The following ADAMTS19 variants were observed in gnomAD, a reference collection of about 807,000 sequenced individuals.
ADAMTS19 encodes the protein A disintegrin and metalloproteinase with thrombospondin motifs 19.
A neutral mutation model predicts 153.3 loss-of-function variants in ADAMTS19; 93 were observed. The ratio of observed to expected loss-of-function variants is 0.61; its 90% CI spans 0.51 to 0.72. The LOEUF is 0.72. Ranked by LOEUF, ADAMTS19 falls within the 30% of genes least tolerant of loss-of-function variation. The pLI, the probability that ADAMTS19 is intolerant of heterozygous loss-of-function variation, is 0.00. For synonymous variants in ADAMTS19, 600 were observed against 556.6 expected, an observed-to-expected ratio of 1.08 and a Z score of -1.10; for missense variants, 1,482 against 1,552.1, an observed-to-expected ratio of 0.95 and a Z score of 0.76.
At chr5:129,681,093 A>C (rs1450363514) in intron 17 of ADAMTS19, among the ~76,000 whole-genome samples, 4 of 152,230 alleles carry the variant, frequency 2.6e-5, no homozygotes, top group Admixed American at 2.6e-4. Context: ...ACATGATTTA[A>C]GATAAATTTG....
At chr5:129,573,612 A>G (rs1251035825) in intron 7 of ADAMTS19, among the ~76,000 whole-genome samples, 1 of 152,120 alleles carries the variant, frequency 6.6e-6, no homozygotes, top group Non-Finnish European at 1.5e-5. Context: ...GGTTCACAAG[A>G]AAAGCAAAGC....
chr5:129,601,298 CTT>C (rs1440379533), intron 8 of ADAMTS19, among the ~76,000 whole-genome samples: 2 of 152,022 alleles, frequency 1.3e-5, no homozygotes, highest in East Asian at 3.9e-4. Context: ...AAGTCTAAAA[CTT>C]TATTTTTGTG....
chr5:129,469,230 A>G (rs1043432385), intron 2 of ADAMTS19, among the ~76,000 whole-genome samples: 1 of 152,174 alleles, frequency 6.6e-6, no homozygotes, highest in Non-Finnish European at 1.5e-5. Context: ...CTGTAATTTT[A>G]CCATCCAGAG....
At chr5:129,573,564 G>A (rs957166434) in intron 7 of ADAMTS19, among the ~76,000 whole-genome samples, 2 of 151,902 alleles carry the variant, frequency 1.3e-5, no homozygotes, top group Non-Finnish European at 2.9e-5. Flanking sequence ...ATATATTTCG[G>A]AATAGAAGTG....
chr5:129,561,229 A>T (rs1326361215), intron 7 of ADAMTS19, among the ~76,000 whole-genome samples: 1 of 152,176 alleles, frequency 6.6e-6, no homozygotes, highest in African/African-American at 2.4e-5. Context: ...GCTGAATTTC[A>T]TATCTACTTC....
At chr5:129,724,123 T>C (rs1757113671) in intron 21 of ADAMTS19, among the ~76,000 whole-genome samples, 1 of 152,202 alleles carries the variant, frequency 6.6e-6, no homozygotes. Flanking sequence ...TGCCAGATTC[T>C]TAGTTAATTC....
At chr5:129,719,339 C>G (rs537252799) in intron 21 of ADAMTS19, among the ~76,000 whole-genome samples, 12 of 152,210 alleles carry the variant, frequency 7.9e-5, no homozygotes, top group African/African-American at 2.9e-4. Context: ...CCTAAATCTA[C>G]GCATTTATTT....
At chr5:129,716,382 A>G (rs975321621) in intron 21 of ADAMTS19, among the ~76,000 whole-genome samples, 1 of 151,944 alleles carries the variant, frequency 6.6e-6, no homozygotes, top group East Asian at 1.9e-4. Context: ...TACTTTTAGT[A>G]GAGATGGGGT....
intron 7 of ADAMTS19, among the ~76,000 whole-genome samples, chr5:129,573,932 C>T (rs1489655365): frequency 6.6e-6 from 1 of 151,930 alleles, no homozygotes; most frequent in African/African-American, 2.4e-5. Context: ...CCCCCAAAGT[C>T]CTCATATTTT....
At chr5:129,618,589 T>A (rs1751636296) in intron 8 of ADAMTS19, among the ~76,000 whole-genome samples, 1 of 151,992 alleles carries the variant, frequency 6.6e-6, no homozygotes, top group Non-Finnish European at 1.5e-5. Context: ...TGGTAGTTTT[T>A]AAAAATTTTA....
chr5:129,715,626 G>A (rs1459884077), intron 21 of ADAMTS19, among the ~76,000 whole-genome samples: 1 of 152,214 alleles, frequency 6.6e-6, no homozygotes, highest in South Asian at 2.1e-4. Flanking sequence ...AAGAAAGCAG[G>A]AGGTGTTAAG....
chr5:129,461,472 G>A lies in ADAMTS19; in HGVS notation c.462G>A (p.Pro154=). Residue 154 remains proline, a synonymous_variant, in exon 2 of 23, where the codon CCG becomes CCA. Coordinates refer to ENST00000274487, the MANE Select transcript of ADAMTS19 (RefSeq NM_133638.6). This position sits in a 1 kb window ranked among gnomAD's most constrained non-coding sequence, Gnocchi z 4.6. ...ASWQPPPPPQ[P]PPSPPPAQHA... ...GGCAGCCGCCGCCTCCCCCGCAGCC[G>A]CCCCCGTCCCCGCCCCCGGCCCAGC... The A allele has an allele frequency of 1.4e-6, 2 of 1,466,310 alleles. No individual in the cohort carries two copies. The highest frequency in any genetic ancestry group is 2.9e-5 in the East Asian group (1 of 33,936). 90.8% of individuals were successfully genotyped at this position (1,466,310 alleles called of 1,614,324 possible).
intron 7 of ADAMTS19, among the ~76,000 whole-genome samples, chr5:129,561,819 A>ATCTATCTAT (rs138761227): frequency 1.4e-5 from 2 of 148,060 alleles, no homozygotes; most frequent in Admixed American, 6.8e-5. Flanking sequence ...ATTTCACCCT[A>ATCTATCTAT]CTATCTATCT....
chr5:129,501,102 G>C (rs1418641234), intron 2 of ADAMTS19, among the ~76,000 whole-genome samples: 2 of 152,106 alleles, frequency 1.3e-5, no homozygotes, highest in Non-Finnish European at 2.9e-5. Flanking sequence ...CTGTATGATA[G>C]GATTTAGAAG....
At chr5:129,589,446 A>ATATG (rs1170769172) in intron 7 of ADAMTS19, among the ~76,000 whole-genome samples, 1 of 152,070 alleles carries the variant, frequency 6.6e-6, no homozygotes, top group Non-Finnish European at 1.5e-5. Flanking sequence ...TAACGGATAT[A>ATATG]TATGTATACA....
chr5:129,487,959 T>C (rs913779583), intron 2 of ADAMTS19, among the ~76,000 whole-genome samples: 4 of 152,122 alleles, frequency 2.6e-5, no homozygotes, highest in Non-Finnish European at 5.9e-5. Flanking sequence ...ATTTGAAGTC[T>C]ACATGTGGGA....
chr5:129,701,278 T>C (rs921997290), intron 19 of ADAMTS19, 110 bp from the exon 20 acceptor site: 2 of 1,242,758 alleles, frequency 1.6e-6, no homozygotes, highest in African/African-American at 3.0e-5. Flanking sequence ...CTCTTTCCTT[T>C]GTAAATTGCC....
intron 2 of ADAMTS19, among the ~76,000 whole-genome samples, chr5:129,484,360 A>G (rs538225746): frequency 3.9e-5 from 6 of 152,134 alleles, no homozygotes; most frequent in East Asian, 3.9e-4. Context: ...TCTCCAACCA[A>G]TTTTTTATCT....
At chr5:129,604,212 A>G (rs1750789926) in intron 8 of ADAMTS19, among the ~76,000 whole-genome samples, 1 of 150,414 alleles carries the variant, frequency 6.6e-6, no homozygotes, top group South Asian at 2.1e-4. Context: ...CACACGTTTT[A>G]CCTATGTAAC....
Sources: allele counts gnomAD v4.1 joint callset (sites outside exome capture counted in the v4.1 genomes callset), GRCh38; gene constraint gnomAD v4.1.1; non-coding constraint Gnocchi (gnomAD v3.1); transcripts MANE v1.5; gene names NCBI Gene and HGNC (gene_info 2026-07-23, HGNC 2026-07-21).